Variants in CASKIN1 observed in about 807,000 individuals in gnomAD.
CASKIN1 encodes the protein caskin-1.
Under a neutral mutation model 117.5 loss-of-function variants are expected in CASKIN1, and 42 were observed. That is an observed-to-expected ratio of 0.36 (90% CI 0.28 to 0.46). CASKIN1 has a LOEUF of 0.46. Ranked by LOEUF, CASKIN1 falls within the 20% of genes least tolerant of loss-of-function variation. The pLI is 1.00. For missense variants in CASKIN1, 2,083 were observed against 2,077.3 expected (o/e 1.00, Z -0.05); for synonymous variants, 1,148 against 961.7 (o/e 1.19, Z -3.59).
In CASKIN1 at chr16:2,180,131, C is replaced by T. The variant is rs1458223831; in HGVS notation, c.3237G>A (p.Arg1079=). Residue 1079 remains arginine (R), a synonymous_variant, in exon 18 of 20, where the codon CGG becomes CGA. Transcript: ENST00000343516. The part of the protein sequence containing the change: ...PVTGLLATAR[R]GPGESADPGP... The stretch of plus-strand genomic sequence containing the variant: ...CTGGGTCTGCCGACTCCCCAGGCCC[C>T]CGGCGGGCAGTGGCCAGAAGTCCGG... 2 of 1,554,646 alleles carry T rather than the reference C, an allele frequency of 1.3e-6. No individual in the cohort carries two copies.
chr16:2,179,805 G>C lies in CASKIN1; in HGVS notation c.3563C>G (p.Pro1188Arg). 2 of 1,580,544 alleles carry C rather than the reference G, an allele frequency of 1.3e-6. No individual in the cohort carries two copies. Among genetic ancestry groups the C allele is most frequent in the Non-Finnish European group, 1.7e-6 (2 of 1,166,460 alleles). Reference protein sequence around the residue: ...RRRPASEQAGPPELPPPPPPA... With the variant: ...RRRPASEQAGRPELPPPPPPA... ...CGGGGGCGGTGGAGGCAGCTCCGGA[G>C]GCCCAGCCTGCTCCGAGGCCGGTCG... The change falls in exon 18 of 20, where the codon CCT becomes CGT. Residue 1188 changes from proline to arginine, a missense_variant. Around this residue, in one of 3 missense-constraint regions of CASKIN1, gnomAD observed 1,818 missense variants for 1,688.9 expected, o/e 1.08. Transcript: ENST00000343516. The surrounding 1 kb of genome is among the most constrained non-coding windows in gnomAD (Gnocchi z 5.8).
rs549306274 is a variant in CASKIN1, at chr16:2,182,186, C to G, written c.1630-257G>C. Among the ~76,000 whole-genome samples the G allele has an allele frequency of 1.3e-5, 2 of 152,242 alleles. No individual in the cohort carries two copies. The highest frequency in any genetic ancestry group is 3.9e-4 in the East Asian group (2 of 5,176). ...CCACAGGACACCCTTGTCGGGGGGG[C>G]AGAAGAAGGCACTTTCCCACCCGGC... On this transcript the variant is annotated intron_variant, in intron 16 of 19. Transcript: ENST00000343516. The surrounding 1 kb of genome is among the most constrained non-coding windows in gnomAD (Gnocchi z 4.1).
chr16:2,186,846 G>A (rs371679408), intron 9 of CASKIN1, 22 bp from the exon 10 acceptor site: 23 of 1,606,452 alleles, frequency 1.4e-5, no homozygotes, highest in Non-Finnish European at 1.5e-5. Flanking sequence ...GGTGGGGGGC[G>A]CTCAGGGAGA....
rs545249493 is a variant in CASKIN1 at position 2,182,672 on chromosome 16, G to A, written c.1630-743C>T. The stretch of plus-strand genomic sequence containing the variant: ...AGGTGGCTTTTGACAGCCACCGATC[G>A]CCTCTCCCGTTGGGAGCCCAGAGCT... On this transcript the variant is annotated intron_variant, in intron 16 of 19. Coordinates refer to ENST00000343516, the MANE Select transcript of CASKIN1 (RefSeq NM_020764.4). This position sits in a 1 kb window ranked among gnomAD's most constrained non-coding sequence, Gnocchi z 4.1. Among the ~76,000 whole-genome samples the A allele has an allele frequency of 1.3e-5, 2 of 152,220 alleles. No homozygotes were observed. Among genetic ancestry groups the A allele is most frequent in the African/African-American group, 2.4e-5 (1 of 41,452 alleles).
In CASKIN1 at chr16:2,196,465, C is replaced by A; in HGVS notation, c.-33G>T. On this transcript the variant is annotated 5_prime_UTR_variant, in exon 1 of 20. Transcript: ENST00000343516. The surrounding 1 kb of genome is among the most constrained non-coding windows in gnomAD (Gnocchi z 5.7). Reference sequence around the variant, plus strand: ...CCGGGGCCGCAGCGACGCGGCTGCGCTCGTGAGCTCGGCGCGGCTCAGAGG... The same window carrying A: ...CCGGGGCCGCAGCGACGCGGCTGCGATCGTGAGCTCGGCGCGGCTCAGAGG... 1 of 1,103,438 alleles carries A rather than the reference C, an allele frequency of 9.1e-7. No individual in the cohort carries two copies. The highest frequency in any genetic ancestry group is 1.1e-6 in the Non-Finnish European group (1 of 895,388). The allele number at this position is 1,103,438 out of a possible 1,614,324, so 68.4% of individuals were successfully genotyped here.
chr16:2,190,046 C>G (rs1432581890), intron 3 of CASKIN1, 27 bp downstream of exon 3: 2 of 1,600,696 alleles, frequency 1.2e-6, no homozygotes, highest in Non-Finnish European at 1.7e-6. Context: ...GCCCCTGCCC[C>G]CACCAGAGGC....
rs776243917 is a variant in CASKIN1, at chr16:2,179,899, G to A, written c.3469C>T (p.Arg1157Trp). 7 of 1,604,886 alleles carry A rather than the reference G, an allele frequency of 4.4e-6. No homozygotes were observed. The South Asian group carries it at 5.6e-5, about 13-fold the overall frequency. ...GGTGGTGGCTCAGGCCCGGCCTCCC[G>A]CTCCTTGGCCTTGGGCCTGCGCTTG... ...TVKRRPKAKE[R>W]EAGPEPPPPL... Residue 1157 changes from arginine to tryptophan, a missense_variant, in exon 18 of 20, where the codon CGG becomes TGG. By Grantham distance (101) the Arg-to-Trp change is moderately radical. This residue lies in a region of CASKIN1 where 1,818 missense variants were observed against 1,688.9 expected (regional missense o/e 1.08). Coordinates refer to ENST00000343516, the MANE Select transcript of CASKIN1 (RefSeq NM_020764.4). The surrounding 1 kb of genome is among the most constrained non-coding windows in gnomAD (Gnocchi z 5.8).
intron 6 of CASKIN1, among the ~76,000 whole-genome samples, chr16:2,188,621 G>C (rs753627192): frequency 8.5e-5 from 13 of 152,182 alleles, no homozygotes; most frequent in Non-Finnish European, 1.8e-4. Flanking sequence ...AAAGTGCTGG[G>C]ATTACAAGTG....
chr16:2,187,332 G>A lies in CASKIN1; in HGVS notation c.726+21C>T, dbSNP rs371899737. The A allele has an allele frequency of 3.3e-5, 54 of 1,612,950 alleles. 1 individual carries two copies. The highest frequency in any genetic ancestry group is 4.0e-5 in the African/African-American group (3 of 74,912). ...GCCCCTACAGTCCACTGGGCCCAGCGCCCCTGGGCCCCACACTCACATCCA... is the reference window on the plus strand; with the variant it reads ...GCCCCTACAGTCCACTGGGCCCAGCACCCCTGGGCCCCACACTCACATCCA... On this transcript the variant is annotated intron_variant, in intron 7 of 19. Coordinates refer to ENST00000343516, the MANE Select transcript of CASKIN1 (RefSeq NM_020764.4).
rs369168497 is a variant in CASKIN1 at position 2,189,400 on chromosome 16, G to A, written c.390+19C>T. 2,976 of 1,609,822 alleles carry A rather than the reference G, an allele frequency of 1.8e-3. 3 individuals are homozygous for A. Among genetic ancestry groups the A allele is most frequent in the Non-Finnish European group, 2.3e-3 (2,757 of 1,178,530 alleles). ...CGCGCTGCCCCGCCCCCGCTGCCCC[G>A]CCCCCGCTCGGGCCTCACCACATCA... On this transcript the variant is annotated intron_variant, in intron 4 of 19. Coordinates refer to ENST00000343516, the MANE Select transcript of CASKIN1 (RefSeq NM_020764.4).
At chr16:2,195,572 G>C (rs1379638693) in intron 1 of CASKIN1, among the ~76,000 whole-genome samples, 1 of 152,226 alleles carries the variant, frequency 6.6e-6, no homozygotes, top group Non-Finnish European at 1.5e-5. Context: ...AGGGCTCCAA[G>C]CTCCCAGCCC....
chr16:2,188,787 T>C, intron 6 of CASKIN1: 1 of 535,864 alleles, frequency 1.9e-6, no homozygotes. Flanking sequence ...GTTCAGCACC[T>C]CCTCGAGCAC....
At position 2,181,096 on chromosome 16, in the gene CASKIN1, G is replaced by C; in HGVS notation, c.2272C>G (p.Pro758Ala). 15 of 1,479,474 alleles carry C rather than the reference G, an allele frequency of 1.0e-5. No homozygotes were observed. The highest frequency in any genetic ancestry group is 1.3e-5 in the Non-Finnish European group (15 of 1,122,604). The allele number at this position is 1,479,474 out of a possible 1,614,324, so 91.6% of individuals were successfully genotyped here. Residue 758 changes from proline to alanine, a missense_variant, in exon 18 of 20, where the codon CCC becomes GCC. Physicochemically the swap from Pro to Ala is conservative, Grantham distance 27. Transcript: ENST00000343516. ...ACCTGCCGTGGCTTGCCAGGCACGG[G>C]GGGCACGCTGGCCCTCTTGATGCTG... Reference protein sequence around the residue: ...GHSIKRASVPPVPGKPRQVLP... With the variant: ...GHSIKRASVPAVPGKPRQVLP...
chr16:2,196,210 C>A lies in CASKIN1; in HGVS notation c.94+129G>T, dbSNP rs2093215515. 7.6e-6 allele frequency: 2 copies of A among 264,212 alleles called. No individual in the cohort carries two copies. Among genetic ancestry groups the A allele is most frequent in the African/African-American group, 2.3e-5 (1 of 43,624 alleles). 16.4% of individuals were successfully genotyped at this position (264,212 alleles called of 1,614,324 possible). A position where few individuals can be genotyped will look rare whatever the true frequency, so the allele number is the denominator to read the frequency against. On this transcript the variant is annotated intron_variant, in intron 1 of 19. Transcript: ENST00000343516. This position sits in a 1 kb window ranked among gnomAD's most constrained non-coding sequence, Gnocchi z 5.7. ...GGAGGGCACGGACCAAGGGTCTGGG[C>A]GCTGCTGGCCCCGCCCCGCCCCCGG...
At position 2,196,346 on chromosome 16, in the gene CASKIN1, C is replaced by A; in HGVS notation, c.87G>T (p.Gly29=). 1 of 1,295,066 alleles carries A rather than the reference C, an allele frequency of 7.7e-7. No homozygotes were observed. Among genetic ancestry groups the A allele is most frequent in the East Asian group, 3.9e-5 (1 of 25,640 alleles). The allele number at this position is 1,295,066 out of a possible 1,614,324, so 80.2% of individuals were successfully genotyped here. ...AQRLLQRPRP[G]KAKLLGSTKK... Reference sequence around the variant, plus strand: ...CGCGCCCCCGGCACTCACTGGCCTTCCCGGGCCGCGGCCTCTGCAGCAGCC... The same window carrying A: ...CGCGCCCCCGGCACTCACTGGCCTTACCGGGCCGCGGCCTCTGCAGCAGCC... The change falls in exon 1 of 20, where the codon GGG becomes GGT. Residue 29 remains glycine (G), a synonymous_variant. Coordinates refer to ENST00000343516, the MANE Select transcript of CASKIN1 (RefSeq NM_020764.4). The surrounding 1 kb of genome is among the most constrained non-coding windows in gnomAD (Gnocchi z 5.7).
Position 2,179,176 on chromosome 16 carries a change from C to T in CASKIN1, c.3925G>A (p.Ala1309Thr). 1 of 1,112,606 alleles carries T rather than the reference C, an allele frequency of 9.0e-7. No individual in the cohort carries two copies. Among genetic ancestry groups the T allele is most frequent in the Non-Finnish European group, 1.1e-6 (1 of 911,664 alleles). The allele number at this position is 1,112,606 out of a possible 1,614,324, so 68.9% of individuals were successfully genotyped here. The change falls in exon 19 of 20, where the codon GCC becomes ACC. Residue 1309 changes from alanine to threonine, a missense_variant. Coordinates refer to ENST00000343516, the MANE Select transcript of CASKIN1 (RefSeq NM_020764.4). The surrounding 1 kb of genome is among the most constrained non-coding windows in gnomAD (Gnocchi z 5.8). Reference sequence around the variant, plus strand: ...GTACCGGGCGGCTTGGCGAGGGCGGCGGGCGGCTGTCGCGCGGGCGAGGGT... The same window carrying T: ...GTACCGGGCGGCTTGGCGAGGGCGGTGGGCGGCTGTCGCGCGGGCGAGGGT... Reference protein sequence around the residue: ...PAPSPARQPPAALAKPPGTPP... With the variant: ...PAPSPARQPPTALAKPPGTPP...
rs770406077 is a variant in CASKIN1 at position 2,178,507 on chromosome 16, GGGGAGGGCCCGGGCGGCGC to G, written c.*24_*42del. 451 of 1,485,590 alleles carry G rather than the reference GGGGAGGGCCCGGGCGGCGC, an allele frequency of 3.0e-4. 1 individual carries two copies. The highest frequency in any genetic ancestry group is 3.6e-4 in the Non-Finnish European group (403 of 1,109,234). The allele number at this position is 1,485,590 out of a possible 1,614,324, so 92.0% of individuals were successfully genotyped here. ...CATCCTGAGGTATAGGTCAGTGTGCGGGGAGGGCCCGGGCGGCGCGGGAGGGCCCGGCCAGGCGGCGTTC... is the reference window on the plus strand; with the variant it reads ...CATCCTGAGGTATAGGTCAGTGTGCGGGGAGGGCCCGGCCAGGCGGCGTTC... On this transcript the variant is annotated 3_prime_UTR_variant, in exon 20 of 20. Transcript: ENST00000343516.
rs549492185 is a variant in CASKIN1, at chr16:2,190,060, C to G, written c.244+13G>C. 163 of 1,610,422 alleles carry G rather than the reference C, an allele frequency of 1.0e-4. 5 individuals are homozygous for G. The highest frequency in any genetic ancestry group is 4.9e-4 in the South Asian group (45 of 91,018). On this transcript the variant is annotated intron_variant, in intron 3 of 19. Transcript: ENST00000343516. ...CGCCCCTGCCCCCACCAGAGGCCCT[C>G]GGCTAGTCTTGCCTTTGTTGTCCTT... is the stretch of plus-strand genomic sequence containing the variant.
At position 2,181,465 on chromosome 16, in the gene CASKIN1, G is replaced by A. The variant is rs1226400735; in HGVS notation, c.1903C>T (p.Pro635Ser). 1.9e-6 allele frequency: 3 copies of A among 1,611,906 alleles called. No homozygotes were observed. Among genetic ancestry groups the A allele is most frequent in the Admixed American group, 1.7e-5 (1 of 59,984 alleles). ...SLEVMAIESP[P>S]PPEPTPADCQ... ...TCGGCCGGTGTGGGCTCAGGCGGGG[G>A]CGGCGACTCGATGGCCATCACTTCA... Residue 635 changes from proline to serine, a missense_variant, in exon 18 of 20, where the codon CCC becomes TCC. Pro to Ser is a moderately conservative substitution (Grantham distance 74, BLOSUM62 -1). Coordinates refer to ENST00000343516, the MANE Select transcript of CASKIN1 (RefSeq NM_020764.4).
Sources: allele counts gnomAD v4.1 joint callset (sites outside exome capture counted in the v4.1 genomes callset), GRCh38; gene constraint gnomAD v4.1.1; regional missense constraint gnomAD v4.1.1; non-coding constraint Gnocchi (gnomAD v3.1); transcripts MANE v1.5; gene names NCBI Gene and HGNC (gene_info 2026-07-23, HGNC 2026-07-21).